Variants in HCN1 observed in about 807,000 individuals in gnomAD.
HCN1 encodes hyperpolarization activated cyclic nucleotide gated potassium channel 1.
HCN1 carries 13 observed loss-of-function variants against 78.9 expected under a neutral mutation model. The ratio of observed to expected loss-of-function variants is 0.16; its 90% CI spans 0.11 to 0.26. The LOEUF (loss-of-function observed/expected upper bound fraction) is 0.26. Among genes scored for constraint, HCN1 ranks in the 10% least tolerant of loss-of-function variants. The probability of loss-of-function intolerance (pLI) is 1.00; values close to 1 mark genes in which losing one functional copy is unlikely to be tolerated. For synonymous variants in HCN1, 552 were observed against 455.5 expected (o/e 1.21, Z -2.70); for missense variants, 810 against 1,154.3 (o/e 0.70, Z 4.32).
chr5:45,585,096 T>A (rs2111931421), intron 2 of HCN1, among the ~76,000 whole-genome samples: 1 of 152,348 alleles, frequency 6.6e-6, no homozygotes, highest in African/African-American at 2.4e-5. Context: ...GTTGCGGAAG[T>A]TCTCCTGATA....
chr5:45,293,799 T>G (rs918475917), intron 6 of HCN1, among the ~76,000 whole-genome samples: 2 of 151,902 alleles, frequency 1.3e-5, no homozygotes, highest in African/African-American at 4.8e-5. Flanking sequence ...TCTCACACAA[T>G]GAGTTAGCAA....
chr5:45,400,036 G>T (rs1936195080), intron 3 of HCN1, among the ~76,000 whole-genome samples: 1 of 151,980 alleles, frequency 6.6e-6, no homozygotes, highest in Non-Finnish European at 1.5e-5. Context: ...GATGGTCCAT[G>T]AACAAGAAAT....
intron 2 of HCN1, among the ~76,000 whole-genome samples, chr5:45,639,097 T>C (rs1310640291): frequency 6.6e-6 from 1 of 152,210 alleles, no homozygotes; most frequent in African/African-American, 2.4e-5. Flanking sequence ...ATTTTACATA[T>C]ACGAATATCC....
intron 1 of HCN1, among the ~76,000 whole-genome samples, chr5:45,688,053 G>T (rs188219072): frequency 1.3e-5 from 2 of 152,226 alleles, no homozygotes; most frequent in Non-Finnish European, 2.9e-5. Context: ...TTCAATGGGT[G>T]AAGGATTGTG....
rs555676274 is a variant in HCN1, at chr5:45,498,099, G to A, written c.850-36092C>T. On this transcript the variant is annotated intron_variant, in intron 2 of 7. Transcript: ENST00000303230. ...TCTTCTCGAGGAGTATCTTTGTGGC[G>A]TTCTCTTTAGTTCCTGAATCTGAAT... Among the ~76,000 whole-genome samples, 72 of 152,146 alleles carry A rather than the reference G, an allele frequency of 4.7e-4. 1 individual carries two copies. The highest frequency in any genetic ancestry group is 1.3e-3 in the African/African-American group (53 of 41,512).
intron 3 of HCN1, among the ~76,000 whole-genome samples, chr5:45,445,471 A>G (rs1447124386): frequency 6.6e-6 from 1 of 152,184 alleles, no homozygotes; most frequent in African/African-American, 2.4e-5. Context: ...ACAGACAAAC[A>G]AAAAGACAGT....
intron 1 of HCN1, among the ~76,000 whole-genome samples, chr5:45,686,920 A>G (rs531380487): frequency 1.7e-4 from 26 of 152,082 alleles, no homozygotes; most frequent in Non-Finnish European, 3.1e-4. Flanking sequence ...CTATGTCTTC[A>G]TGTTGTTTGG....
chr5:45,646,519 G>A (rs185735939), intron 1 of HCN1, among the ~76,000 whole-genome samples: 56 of 151,002 alleles, frequency 3.7e-4, no homozygotes, highest in Admixed American at 1.9e-3. Context: ...CATTACAGGC[G>A]TGCCACCATG....
chr5:45,465,851 C>T (rs1741260529), intron 2 of HCN1, among the ~76,000 whole-genome samples: 1 of 152,080 alleles, frequency 6.6e-6, no homozygotes, highest in Non-Finnish European at 1.5e-5. Flanking sequence ...TACATTTGTC[C>T]AGCTCAGGAC....
rs1257229224 is a variant in HCN1, at chr5:45,353,179, T to C, written c.1298A>G (p.Asp433Gly). 6.2e-7 allele frequency: 1 copy of C among 1,608,692 alleles called. No individual in the cohort carries two copies. Among genetic ancestry groups the C allele is most frequent in the Non-Finnish European group, 8.5e-7 (1 of 1,175,566 alleles). ...GCCTTGGTATCTGTGTTCATAGTAA[T>C]CATGTATCTTCTGACGCATATCAGC... ...LPADMRQKIH[D>G]YYEHRYQGKI... is the part of the protein sequence containing the mutation. The change falls in exon 5 of 8, where the codon GAT becomes GGT. Residue 433 changes from aspartate to glycine, a missense_variant. Asp to Gly is a moderately conservative substitution (Grantham distance 94). Transcript: ENST00000303230.
chr5:45,373,738 A>G (rs1399463371), intron 4 of HCN1, among the ~76,000 whole-genome samples: 1 of 123,112 alleles, frequency 8.1e-6, no homozygotes, highest in East Asian at 2.4e-4. Context: ...TACGTCATCT[A>G]TAATATATTA....
chr5:45,435,488 G>A lies in HCN1; in HGVS notation c.1011+26358C>T, dbSNP rs1010179322. On this transcript the variant is annotated intron_variant, in intron 3 of 7. Coordinates refer to ENST00000303230, the MANE Select transcript of HCN1 (RefSeq NM_021072.4). ...TTGGTAACTAGGTTCTAGACAATTAGAAAACTATATCAATAAGATAATATC... is the reference window on the plus strand; with the variant it reads ...TTGGTAACTAGGTTCTAGACAATTAAAAAACTATATCAATAAGATAATATC... 2.6e-5 allele frequency among the ~76,000 whole-genome samples: 4 copies of A among 152,032 alleles called. No homozygotes were observed. The East Asian group carries it at 7.7e-4, about 29-fold the overall frequency.
In HCN1 at chr5:45,340,100, T is replaced by C. The variant is rs901420172; in HGVS notation, c.1377+13000A>G. On this transcript the variant is annotated intron_variant, in intron 5 of 7. Transcript: ENST00000303230. ...CTCCCAGCTAATTTTTTTGTACTTT[T>C]AGTAAAGACTGGGTTTCACTATGTT... 1.3e-4 allele frequency among the ~76,000 whole-genome samples: 20 copies of C among 152,066 alleles called. 1 individual carries two copies. Among genetic ancestry groups the C allele is most frequent in the Admixed American group, 6.5e-5 (1 of 15,268 alleles).
At chr5:45,493,785 G>A (rs1382180111) in intron 2 of HCN1, among the ~76,000 whole-genome samples, 1 of 129,556 alleles carries the variant, frequency 7.7e-6, no homozygotes, top group African/African-American at 3.0e-5. Context: ...AGAGTGTGAT[G>A]TTCCCCTTCC....
intron 2 of HCN1, among the ~76,000 whole-genome samples, chr5:45,502,326 C>CA (rs1742208339): frequency 2.0e-5 from 3 of 149,096 alleles, no homozygotes; most frequent in South Asian, 2.1e-4. Context: ...AACAAAACAA[C>CA]AAAAAAATAG....
At chr5:45,450,806 C>T (rs1422376897) in intron 3 of HCN1, among the ~76,000 whole-genome samples, 1 of 152,064 alleles carries the variant, frequency 6.6e-6, no homozygotes, top group Non-Finnish European at 1.5e-5. Flanking sequence ...TCTCAAACAA[C>T]ACATGGTTAT....
Position 45,396,474 on chromosome 5 carries a change from A to G in HCN1, c.1230+18T>C. 1 of 1,605,076 alleles carries G rather than the reference A, an allele frequency of 6.2e-7. No individual in the cohort carries two copies. Among genetic ancestry groups the G allele is most frequent in the Non-Finnish European group, 8.5e-7 (1 of 1,173,780 alleles). ...GGTTAGCTGGTTAAAGACATTGGCG[A>G]TAAATAAAACAAATTACCTTCTCTT... is the stretch of plus-strand genomic sequence containing the variant. On this transcript the variant is annotated intron_variant, in intron 4 of 7. Coordinates refer to ENST00000303230, the MANE Select transcript of HCN1 (RefSeq NM_021072.4).
intron 5 of HCN1, among the ~76,000 whole-genome samples, chr5:45,327,783 C>T (rs930144866): frequency 3.3e-5 from 5 of 151,486 alleles, no homozygotes; most frequent in African/African-American, 1.2e-4. Flanking sequence ...TTTGGACACA[C>T]AGAAAAGACA....
intron 2 of HCN1, among the ~76,000 whole-genome samples, chr5:45,531,981 A>C (rs1271368226): frequency 1.3e-5 from 2 of 152,210 alleles, no homozygotes; most frequent in East Asian, 3.9e-4. Context: ...CAGAGGTTGC[A>C]GAGAGCCGAG....
Sources: allele counts gnomAD v4.1 joint callset (sites outside exome capture counted in the v4.1 genomes callset), GRCh38; gene constraint gnomAD v4.1.1; transcripts MANE v1.5; gene names NCBI Gene and HGNC (gene_info 2026-07-23, HGNC 2026-07-21).